The following CALN1 variants were observed in gnomAD, a reference collection of about 807,000 sequenced individuals.
CALN1 encodes the protein calneuron 1.
Under a neutral mutation model 30.6 loss-of-function variants are expected in CALN1, and 17 were observed. The observed-to-expected ratio is 0.56, with a 90% CI of 0.38 to 0.83. The LOEUF is 0.83. Ranked by LOEUF, CALN1 falls within the 40% of genes least tolerant of loss-of-function variation. The pLI is 0.00. For synonymous variants in CALN1, 156 were observed against 131.4 expected (o/e 1.19, Z -1.28); for missense variants, 291 against 354.9 (o/e 0.82, Z 1.45).
At chr7:72,232,077 A>T (rs1356012264) in intron 3 of CALN1, among the ~76,000 whole-genome samples, 1 of 152,136 alleles carries the variant, frequency 6.6e-6, no homozygotes, top group Non-Finnish European at 1.5e-5. Flanking sequence ...GCCAAAGGAG[A>T]AGGGTCAAAG....
chr7:71,974,550 T>C (rs1798008774), intron 5 of CALN1, among the ~76,000 whole-genome samples: 1 of 152,160 alleles, frequency 6.6e-6, no homozygotes, highest in African/African-American at 2.4e-5. Flanking sequence ...CTTGAGGTGT[T>C]TTCTTCTGCT....
At chr7:72,344,433 T>G (rs1802521322) in intron 2 of CALN1, among the ~76,000 whole-genome samples, 1 of 151,854 alleles carries the variant, frequency 6.6e-6, no homozygotes, top group Admixed American at 6.6e-5. Flanking sequence ...AAATAACATG[T>G]ATGGTGCCAC....
At chr7:71,984,720 C>T (rs1411603331) in intron 5 of CALN1, among the ~76,000 whole-genome samples, 1 of 152,156 alleles carries the variant, frequency 6.6e-6, no homozygotes, top group East Asian at 1.9e-4. Flanking sequence ...CCACCCAAGG[C>T]CATCCCAGAC....
chr7:72,413,008 G>A (rs1807274939), upstream of CALN1, among the ~76,000 whole-genome samples: 1 of 152,226 alleles, frequency 6.6e-6, no homozygotes, highest in African/African-American at 2.4e-5. Flanking sequence ...AGCCCACCTG[G>A]AGTAGGCCAG....
intron 1 of CALN1, among the ~76,000 whole-genome samples, chr7:72,424,400 A>G (rs565189977): frequency 6.6e-6 from 1 of 152,314 alleles, no homozygotes; most frequent in East Asian, 1.9e-4. Context: ...TAAACTTTCT[A>G]GAACTGGGGA....
chr7:72,271,433 CT>C (rs1328080027), intron 3 of CALN1, among the ~76,000 whole-genome samples: 1 of 150,456 alleles, frequency 6.6e-6, no homozygotes, highest in Non-Finnish European at 1.5e-5. Flanking sequence ...TTTTTGTTTT[CT>C]TTTTTCTGAG....
intron 2 of CALN1, among the ~76,000 whole-genome samples, chr7:72,345,291 G>A (rs1203395376): frequency 6.8e-6 from 1 of 147,070 alleles, no homozygotes; most frequent in African/African-American, 2.5e-5. Context: ...ACTGCACATG[G>A]TGAATGGTTT....
the CALN1 span, among the ~76,000 whole-genome samples, chr7:72,462,154 T>TTATGTATGTATGTATGTATGTATG: frequency 1.3e-5 from 2 of 151,370 alleles, no homozygotes; most frequent in African/African-American, 4.9e-5. Flanking sequence ...TTTATTTAAT[T>TTATGTATGTATGTATGTATGTATG]TATGTATGTA....
At chr7:72,363,034 A>T (rs557151624) in intron 2 of CALN1, among the ~76,000 whole-genome samples, 53 of 152,210 alleles carry the variant, frequency 3.5e-4, no homozygotes, top group African/African-American at 1.2e-3. Flanking sequence ...TTCTTTTTTT[A>T]ATTTAACTTT....
intron 4 of CALN1, among the ~76,000 whole-genome samples, chr7:72,057,383 C>CTTTTTTTTT (rs60838093): frequency 1.9e-4 from 19 of 101,868 alleles, no homozygotes; most frequent in East Asian, 5.8e-4. Context: ...TTTAAATGTT[C>CTTTTTTTTT]TTTTTTTTTT....
At chr7:72,262,570 G>A (rs933757822) in intron 3 of CALN1, among the ~76,000 whole-genome samples, 5 of 152,072 alleles carry the variant, frequency 3.3e-5, no homozygotes, top group Non-Finnish European at 7.4e-5. Context: ...TGTACCCAAT[G>A]TTTATGTCTC....
At chr7:71,975,446 G>A (rs1320160812) in intron 5 of CALN1, among the ~76,000 whole-genome samples, 2 of 151,900 alleles carry the variant, frequency 1.3e-5, no homozygotes, top group Non-Finnish European at 2.9e-5. Context: ...ATTTTTTAAA[G>A]AAGGGGGTCT....
intron 2 of CALN1, among the ~76,000 whole-genome samples, chr7:72,341,391 T>G (rs868629082): frequency 3.3e-5 from 5 of 152,214 alleles, no homozygotes; most frequent in Middle Eastern, 3.4e-3. Flanking sequence ...GGCATGGTGG[T>G]GGATGCCTGT....
At chr7:72,053,850 C>T (rs1242319830) in intron 4 of CALN1, among the ~76,000 whole-genome samples, 1 of 150,474 alleles carries the variant, frequency 6.6e-6, no homozygotes, top group African/African-American at 2.4e-5. Flanking sequence ...ATCGCGTCCT[C>T]ATAGCTTAGC....
At chr7:72,108,062 C>A (rs1287630501) in intron 3 of CALN1, among the ~76,000 whole-genome samples, 1 of 152,208 alleles carries the variant, frequency 6.6e-6, no homozygotes, top group Non-Finnish European at 1.5e-5. Context: ...AAATCAGCAT[C>A]ATTAGATCAC....
intron 5 of CALN1, among the ~76,000 whole-genome samples, chr7:72,015,682 GA>G (rs1279151343): frequency 1.3e-5 from 2 of 152,066 alleles, no homozygotes; most frequent in East Asian, 3.9e-4. Context: ...GTGCTCAAGA[GA>G]GCCTCCCACC....
chr7:72,375,276 A>G (rs1331377688), intron 2 of CALN1, among the ~76,000 whole-genome samples: 1 of 152,152 alleles, frequency 6.6e-6, no homozygotes, highest in Admixed American at 6.5e-5. Context: ...AGAAAAAAGA[A>G]TCTGCTTTCA....
At chr7:72,147,405 A>G (rs1244999599) in intron 3 of CALN1, among the ~76,000 whole-genome samples, 1 of 151,152 alleles carries the variant, frequency 6.6e-6, no homozygotes, top group African/African-American at 2.4e-5. Context: ...GCAAATCAAA[A>G]CCACAATGAG....
intron 2 of CALN1, among the ~76,000 whole-genome samples, chr7:72,351,703 AAT>A (rs1432572907): frequency 1.3e-5 from 2 of 152,218 alleles, no homozygotes; most frequent in Admixed American, 6.5e-5. Context: ...CAAATAAGCC[AAT>A]AGAGAATAAA....
Sources: gnomAD v4.1 joint callset for allele counts (sites outside exome capture counted in the v4.1 genomes callset) on GRCh38, gnomAD v4.1.1 for gene constraint, MANE v1.5 for transcripts, NCBI Gene and HGNC (gene_info 2026-07-23, HGNC 2026-07-21) for gene names.